The following CBLB variants were observed in gnomAD, a reference collection of about 807,000 sequenced individuals.
The protein encoded by CBLB is E3 ubiquitin-protein ligase CBL-B.
Under a neutral mutation model 104.9 loss-of-function variants are expected in CBLB, and 31 were observed. The ratio of observed to expected loss-of-function variants is 0.30; its 90% confidence interval spans 0.22 to 0.40. The LOEUF is 0.40. Ranked by LOEUF, CBLB falls within the 10% of genes least tolerant of loss-of-function variation. The probability of loss-of-function intolerance (pLI) is 1.00; values close to 1 mark genes in which losing one functional copy is unlikely to be tolerated. For synonymous variants in CBLB, 440 were observed against 422.6 expected, an observed-to-expected ratio of 1.04 and a Z score of -0.51; for missense variants, 1,062 against 1,214.6, an observed-to-expected ratio of 0.87 and a Z score of 1.87.
rs143826552 is a variant in CBLB at position 105,830,727 on chromosome 3, T to C, written c.419+22687A>G. Among the ~76,000 whole-genome samples, 6 of 152,332 alleles carry C rather than the reference T, an allele frequency of 3.9e-5. No homozygotes were observed. In the East Asian group the frequency reaches 1.2e-3, roughly 29 times the overall value. ...AGACACATGCCATGTAATGGAAAGC[T>C]TATCTAAAGAGTAGCCTAATGTGAA... On this transcript the variant is annotated intron_variant, in intron 3 of 18. Coordinates refer to ENST00000394030, the MANE Select transcript of CBLB (RefSeq NM_170662.5).
intron 3 of CBLB, among the ~76,000 whole-genome samples, chr3:105,793,090 C>T (rs188580621): frequency 2.0e-5 from 3 of 152,162 alleles, no homozygotes; most frequent in Admixed American, 2.0e-4. Context: ...AAATGTCAGT[C>T]GAGCACTGTT....
chr3:105,844,305 G>A (rs1279510056), intron 3 of CBLB, among the ~76,000 whole-genome samples: 2 of 152,216 alleles, frequency 1.3e-5, no homozygotes, highest in African/African-American at 2.4e-5. Flanking sequence ...AAGCCACCCA[G>A]TATGTGGTAC....
intron 3 of CBLB, among the ~76,000 whole-genome samples, chr3:105,812,220 C>T (rs1426444654): frequency 1.3e-5 from 2 of 152,106 alleles, no homozygotes; most frequent in South Asian, 2.1e-4. Context: ...AAAGATAATG[C>T]TGCAAATGTT....
In CBLB at chr3:105,748,569, A is replaced by G. The variant is rs549153934; in HGVS notation, c.724-2531T>C. Among the ~76,000 whole-genome samples the G allele has an allele frequency of 3.3e-5, 5 of 152,320 alleles. No homozygotes were observed. In the East Asian group the frequency reaches 5.8e-4, roughly 18 times the overall value. ...GAAGGAAGGGAGAAGCAAAATCCCTATAATTTCTTTCCAGGACTAATATTA... is the reference window on the plus strand; with the variant it reads ...GAAGGAAGGGAGAAGCAAAATCCCTGTAATTTCTTTCCAGGACTAATATTA... On this transcript the variant is annotated intron_variant, in intron 5 of 18. Transcript: ENST00000394030.
chr3:105,735,496 G>A (rs4282093), intron 8 of CBLB, among the ~76,000 whole-genome samples: 150,242 of 152,326 alleles, frequency 0.99, 74,131 homozygotes, highest in East Asian at 1. Context: ...AACAGTAAGA[G>A]TATTTATGAG....
At chr3:105,746,256 G>A (rs1328285268) in intron 5 of CBLB, among the ~76,000 whole-genome samples, 1 of 152,102 alleles carries the variant, frequency 6.6e-6, no homozygotes, top group Non-Finnish European at 1.5e-5. Context: ...GATTTTTCAG[G>A]AAGAGAATAC....
intron 3 of CBLB, among the ~76,000 whole-genome samples, chr3:105,850,036 T>C (rs2090752193): frequency 6.6e-6 from 1 of 152,094 alleles, no homozygotes; most frequent in Non-Finnish European, 1.5e-5. Flanking sequence ...CTCTTGTTAT[T>C]CCTGGAGAAT....
At chr3:105,846,463 T>C (rs1434851240) in intron 3 of CBLB, among the ~76,000 whole-genome samples, 2 of 152,100 alleles carry the variant, frequency 1.3e-5, no homozygotes, top group Non-Finnish European at 1.5e-5. Flanking sequence ...ATTTTTACTA[T>C]AGAAACTACT....
chr3:105,853,676 G>T lies in CBLB; in HGVS notation c.169-12C>A, dbSNP rs1489335314. On this transcript the variant is annotated splice_polypyrimidine_tract_variant and intron_variant, in intron 2 of 18. Coordinates refer to ENST00000394030, the MANE Select transcript of CBLB (RefSeq NM_170662.5). ...TGGCACAGTCTTACCTAAAAACAAA[G>T]ATAAAAATAAAATAAGTCATAATAT... 1 of 1,562,018 alleles carries T rather than the reference G, an allele frequency of 6.4e-7. No homozygotes were observed. The highest frequency in any genetic ancestry group is 1.4e-5 in the African/African-American group (1 of 73,672).
In CBLB at chr3:105,727,367, T is replaced by C. The variant is rs2073796263; in HGVS notation, c.1203+6642A>G. Among the ~76,000 whole-genome samples the C allele has an allele frequency of 3.9e-5, 6 of 152,360 alleles. No homozygotes were observed. In the South Asian group the frequency reaches 1.2e-3, roughly 32 times the overall value. On this transcript the variant is annotated intron_variant, in intron 9 of 18. Coordinates refer to ENST00000394030, the MANE Select transcript of CBLB (RefSeq NM_170662.5). ...AATGTCTTCTTTTGAGAAGTGTTTG[T>C]TCATATGCTTCGCCCACTTTTTGAC...
At chr3:105,661,610 A>G (rs896783827) in intron 18 of CBLB, among the ~76,000 whole-genome samples, 1 of 152,158 alleles carries the variant, frequency 6.6e-6, no homozygotes, top group Non-Finnish European at 1.5e-5. Flanking sequence ...CAGGATACTG[A>G]GATGTGCACA....
At chr3:105,672,932 C>T (rs991550248) in intron 17 of CBLB, 1 of 151,332 alleles carries the variant, frequency 6.6e-6, no homozygotes, top group Non-Finnish European at 1.5e-5. Flanking sequence ...TTATAAATAG[C>T]ATATACTATG....
At chr3:105,680,123 T>C (rs1211672759) in intron 16 of CBLB, among the ~76,000 whole-genome samples, 1 of 152,140 alleles carries the variant, frequency 6.6e-6, no homozygotes, top group Non-Finnish European at 1.5e-5. Context: ...ACATATGCAT[T>C]GGATGAGGAA....
At chr3:105,787,847 A>G (rs2152989345) in intron 3 of CBLB, among the ~76,000 whole-genome samples, 1 of 152,294 alleles carries the variant, frequency 6.6e-6, no homozygotes, top group East Asian at 1.9e-4. Context: ...TGAAAACTCC[A>G]TGAATAACAT....
At chr3:105,834,134 A>T (rs1464755880) in intron 3 of CBLB, among the ~76,000 whole-genome samples, 5 of 151,852 alleles carry the variant, frequency 3.3e-5, no homozygotes, top group Non-Finnish European at 7.4e-5. Flanking sequence ...TGGTCAAAGG[A>T]TACGAAATTT....
intron 12 of CBLB, among the ~76,000 whole-genome samples, chr3:105,699,735 A>G (rs923252674): frequency 6.6e-6 from 1 of 152,194 alleles, no homozygotes; most frequent in East Asian, 1.9e-4. Flanking sequence ...CAGTAATAAA[A>G]GAGGAGACAT....
chr3:105,869,053 GGGGCGGGGCGGGGGCGGGGCC>G, upstream of CBLB: 1 of 1,074,958 alleles, frequency 9.3e-7, no homozygotes, highest in South Asian at 1.8e-5. Flanking sequence ...GGCTCGGGGC[GGGGCGGGGCGGGGGCGGGGCC>G]GGGCGCCGCT....
At chr3:105,818,033 G>C (rs1169632561) in intron 3 of CBLB, among the ~76,000 whole-genome samples, 1 of 151,900 alleles carries the variant, frequency 6.6e-6, no homozygotes, top group Non-Finnish European at 1.5e-5. Flanking sequence ...TTAAAATTCT[G>C]GTTTCCAGAA....
intron 18 of CBLB, among the ~76,000 whole-genome samples, chr3:105,664,208 T>C (rs1006762280): frequency 3.3e-5 from 5 of 152,172 alleles, no homozygotes; most frequent in Non-Finnish European, 5.9e-5. Context: ...AATATAACAC[T>C]GAGCTTCTGT....
Sources: allele counts gnomAD v4.1 joint callset (sites outside exome capture counted in the v4.1 genomes callset), GRCh38; gene constraint gnomAD v4.1.1; transcripts MANE v1.5; gene names NCBI Gene and HGNC (gene_info 2026-07-23, HGNC 2026-07-21).